Variants in PLAAT5 observed in about 807,000 individuals in gnomAD.
The protein encoded by PLAAT5 is Ca(2+)-independent N-acyltransferase.
A neutral mutation model predicts 27.8 loss-of-function variants in PLAAT5; 27 were observed. That is an observed-to-expected ratio of 0.97 (90% CI 0.72 to 1.34). The LOEUF is 1.34. Ranked by LOEUF, PLAAT5 falls within the 40% of genes most tolerant of loss-of-function variation. PLAAT5 has a pLI of 0.00. For synonymous variants in PLAAT5, 125 were observed against 136.1 expected, an observed-to-expected ratio of 0.92 and a Z score of 0.57; for missense variants, 368 against 343.8, an observed-to-expected ratio of 1.07 and a Z score of -0.56.
In PLAAT5 at chr11:63,480,068, C is replaced by T. The variant is rs138416495; in HGVS notation, c.345+8803G>A. On this transcript the variant is annotated intron_variant, in intron 3 of 5. Coordinates refer to ENST00000540857, the MANE Select transcript of PLAAT5 (RefSeq NM_001146729.2). ...TAGTGGAGGGCAGGGCTCTCAGAGT[C>T]GGCCAAGCCAGCTGGACGGTCACGT... Among the ~76,000 whole-genome samples, 17 of 152,324 alleles carry T rather than the reference C, an allele frequency of 1.1e-4. No homozygotes were observed. In the East Asian group the frequency reaches 1.9e-3, roughly 17 times the overall value.
chr11:63,488,198 A>G (rs1179397641), intron 3 of PLAAT5, among the ~76,000 whole-genome samples: 2 of 152,204 alleles, frequency 1.3e-5, no homozygotes, highest in Admixed American at 6.5e-5. Flanking sequence ...TGCACATACA[A>G]TATGATTTCA....
At position 63,490,233 on chromosome 11, in the gene PLAAT5, A is replaced by G; in HGVS notation, c.239+10T>C. 6.2e-7 allele frequency: 1 copy of G among 1,614,046 alleles called. No individual in the cohort carries two copies. The highest frequency in any genetic ancestry group is 8.5e-7 in the Non-Finnish European group (1 of 1,179,972). On this transcript the variant is annotated intron_variant, in intron 2 of 5. Coordinates refer to ENST00000540857, the MANE Select transcript of PLAAT5 (RefSeq NM_001146729.2). Reference sequence around the variant, plus strand: ...TCCACCCAAAGACCCCAACCTTACAATCTTCTTACCCTTGCTGGATGCTTC... The same window carrying G: ...TCCACCCAAAGACCCCAACCTTACAGTCTTCTTACCCTTGCTGGATGCTTC...
At position 63,490,932 on chromosome 11, in the gene PLAAT5, TG is replaced by T; in HGVS notation, c.102del (p.Lys35ArgfsTer37). 1 of 1,601,534 alleles carries T rather than the reference TG, an allele frequency of 6.2e-7. No homozygotes were observed. Among genetic ancestry groups the T allele is most frequent in the Non-Finnish European group, 8.5e-7 (1 of 1,174,572 alleles). On this transcript the variant is annotated frameshift_variant, in exon 1 of 6. Coordinates refer to ENST00000540857, the MANE Select transcript of PLAAT5 (RefSeq NM_001146729.2). LOFTEE classifies it high-confidence loss of function. ...CGTCTGAGCGCAGGCGGCTGGTCCT[TG>T]GGCCCGGTACTGGCGGTTCGCGAGG... ...KPASRTASTG[P>X]KDQPPALRRS...
intron 5 of PLAAT5, among the ~76,000 whole-genome samples, chr11:63,464,605 G>A (rs753790369): frequency 2.6e-5 from 4 of 151,984 alleles, no homozygotes; most frequent in Non-Finnish European, 5.9e-5. Context: ...GCAGTGAGCC[G>A]AGATCACGCC....
intron 2 of PLAAT5, among the ~76,000 whole-genome samples, chr11:63,489,692 A>C (rs1350785730): frequency 6.6e-6 from 1 of 152,246 alleles, no homozygotes; most frequent in Non-Finnish European, 1.5e-5. Context: ...ACAGTGGTCA[A>C]GAAGGTGAAA....
At chr11:63,490,414 T>A in intron 1 of PLAAT5, 81 bp from the exon 2 acceptor site, 1 of 1,609,214 alleles carries the variant, frequency 6.2e-7, no homozygotes, top group Non-Finnish European at 8.5e-7. Flanking sequence ...GAGAGTGGGC[T>A]CAGAGCTCTA....
chr11:63,463,646 AC>A lies in PLAAT5; in HGVS notation c.718-52del. The A allele has an allele frequency of 2.1e-6, 3 of 1,402,668 alleles. No individual in the cohort carries two copies. In the South Asian group the frequency reaches 3.5e-5, roughly 16 times the overall value. The allele number at this position is 1,402,668 out of a possible 1,614,324, so 86.9% of individuals were successfully genotyped here. ...CAATCAGTACCAATCCTAGGCTTGC[AC>A]CCTCCCCTACCTCCACCCCACCATA... On this transcript the variant is annotated intron_variant, in intron 5 of 5. Transcript: ENST00000540857.
Position 63,488,957 on chromosome 11 carries a change from A to G in PLAAT5, c.259T>C (p.Leu87=), listed in dbSNP as rs774529288. Residue 87 remains leucine, a synonymous_variant, in exon 3 of 6, where the codon TTG becomes CTG. Coordinates refer to ENST00000540857, the MANE Select transcript of PLAAT5 (RefSeq NM_001146729.2). The part of the protein sequence containing the change: ...IQQGEKAVVS[L]ETTPSQKADW... The stretch of plus-strand genomic sequence containing the variant: ...GCTTTCTGGCTGGGTGTGGTCTCCA[A>G]GCTAACTACAGCCTTCTCCCTAAAT... The G allele has an allele frequency of 1.9e-6, 3 of 1,612,116 alleles. No homozygotes were observed. The highest frequency in any genetic ancestry group is 2.2e-5 in the South Asian group (2 of 90,946).
chr11:63,468,539 A>C (rs2015927014), intron 3 of PLAAT5, 74 bp from the exon 4 acceptor site: 2 of 1,101,498 alleles, frequency 1.8e-6, no homozygotes, highest in Non-Finnish European at 1.4e-6. Context: ...GATCAGGGAC[A>C]GCTCAGCCTA....
chr11:63,471,436 C>T (rs1474717297), intron 3 of PLAAT5, among the ~76,000 whole-genome samples: 1 of 152,258 alleles, frequency 6.6e-6, no homozygotes, highest in East Asian at 1.9e-4. Flanking sequence ...CATGCTGTTC[C>T]TTCATTCCTA....
At chr11:63,468,533 A>C in intron 3 of PLAAT5, 68 bp from the exon 4 acceptor site, 1 of 1,177,364 alleles carries the variant, frequency 8.5e-7, no homozygotes, top group Non-Finnish European at 1.2e-6. Flanking sequence ...TTTTAGGATC[A>C]GGGACAGCTC....
rs905572124 is a variant in PLAAT5 at position 63,461,672 on chromosome 11, A to T, written c.*1831T>A. ...TCAAAGTGTGGGGTATGCATTCCAG[A>T]TCTCTCAGCCTGATGGACAGCTTGG... On this transcript the variant is annotated 3_prime_UTR_variant, in exon 6 of 6. Coordinates refer to ENST00000540857, the MANE Select transcript of PLAAT5 (RefSeq NM_001146729.2). 3 of 152,118 alleles carry T rather than the reference A, an allele frequency of 2.0e-5. No homozygotes were observed. Among genetic ancestry groups the T allele is most frequent in the Non-Finnish European group, 4.4e-5 (3 of 68,018 alleles). 9.4% of individuals were successfully genotyped at this position (152,118 alleles called of 1,614,324 possible). A position where few individuals can be genotyped will look rare whatever the true frequency, so the allele number is the denominator to read the frequency against.
At position 63,462,009 on chromosome 11, in the gene PLAAT5, GT is replaced by G. The variant is rs1372707343; in HGVS notation, c.*1493del. ...AGATGGATGAGTCCTCTGTGCAGAA[GT>G]TACTAAACACTCCTTGGTGTGGAGG... On this transcript the variant is annotated 3_prime_UTR_variant, in exon 6 of 6. Transcript: ENST00000540857. 3 of 152,202 alleles carry G rather than the reference GT, an allele frequency of 2.0e-5. No homozygotes were observed. The highest frequency in any genetic ancestry group is 7.2e-5 in the African/African-American group (3 of 41,456). The allele number at this position is 152,202 out of a possible 1,614,324, so 9.4% of individuals were successfully genotyped here. A position where few individuals can be genotyped will look rare whatever the true frequency, so the allele number is the denominator to read the frequency against.
chr11:63,491,042 C>G lies in PLAAT5; in HGVS notation c.-8G>C. 1 of 1,430,734 alleles carries G rather than the reference C, an allele frequency of 7.0e-7. No homozygotes were observed. The highest frequency in any genetic ancestry group is 9.1e-7 in the Non-Finnish European group (1 of 1,093,590). The allele number at this position is 1,430,734 out of a possible 1,614,324, so 88.6% of individuals were successfully genotyped here. ...GCCCGGGCTCAGGCCCATCCCGCCT[C>G]TGCGGCCTCGCCGGCCCCCAGGCCT... On this transcript the variant is annotated 5_prime_UTR_variant, in exon 1 of 6. Transcript: ENST00000540857.
At chr11:63,467,358 A>G (rs1031127254) in intron 4 of PLAAT5, among the ~76,000 whole-genome samples, 4 of 152,168 alleles carry the variant, frequency 2.6e-5, no homozygotes, top group African/African-American at 9.7e-5. Context: ...GAATTTCTAC[A>G]TTCTTTGAGT....
intron 3 of PLAAT5, among the ~76,000 whole-genome samples, chr11:63,483,785 ATATATATATATATATG>A (rs1452247671): frequency 3.4e-5 from 3 of 88,620 alleles, no homozygotes; most frequent in East Asian, 2.8e-4. Flanking sequence ...CAAAAAAAAA[ATATATATATATATATG>A]TATATATATA....
At chr11:63,468,228 G>T in intron 4 of PLAAT5, 129 bp downstream of exon 4, 1 of 711,476 alleles carries the variant, frequency 1.4e-6, no homozygotes, top group South Asian at 1.8e-5. Context: ...AGTAAGCAAA[G>T]GTCCAGTCAT....
intron 3 of PLAAT5, among the ~76,000 whole-genome samples, chr11:63,471,146 G>C (rs1442567025): frequency 6.6e-6 from 1 of 152,150 alleles, no homozygotes; most frequent in Non-Finnish European, 1.5e-5. Context: ...TGCAGATGCA[G>C]TAAATGTGAA....
intron 3 of PLAAT5, among the ~76,000 whole-genome samples, chr11:63,486,344 C>T (rs903663255): frequency 3.9e-5 from 6 of 152,122 alleles, no homozygotes; most frequent in Non-Finnish European, 8.8e-5. Context: ...ATGTTTATAG[C>T]AGCACAATTC....
Sources: gnomAD v4.1 joint callset for allele counts (sites outside exome capture counted in the v4.1 genomes callset) on GRCh38, gnomAD v4.1.1 for gene constraint, MANE v1.5 for transcripts, NCBI Gene and HGNC (gene_info 2026-07-23, HGNC 2026-07-21) for gene names.